CSRP3: variants seen among roughly 807,000 people sequenced by gnomAD.
CSRP3 encodes cysteine and glycine rich protein 3, also known as cysteine and glycine-rich protein 3.
CSRP3 carries 24 observed loss-of-function variants against 24.3 expected under a neutral mutation model. The ratio of observed to expected loss-of-function variants is 0.99; its 90% CI spans 0.71 to 1.39. The LOEUF (loss-of-function observed/expected upper bound fraction) is 1.39. CSRP3 is among the 40% of genes most tolerant of loss of function. CSRP3 has a pLI of 0.00. For synonymous variants in CSRP3, 105 were observed against 94.0 expected (o/e 1.12, Z -0.68); for missense variants, 240 against 249.0 (o/e 0.96, Z 0.24).
rs1850522002 is a variant in CSRP3 at position 19,186,220 on chromosome 11, C to G, written c.410G>C (p.Gly137Ala). 1 of 1,614,042 alleles carries G rather than the reference C, an allele frequency of 6.2e-7. No homozygotes were observed. The highest frequency in any genetic ancestry group is 1.3e-5 in the African/African-American group (1 of 74,910). ...GGCTCATACAGAAGGTCTTACCTTGCCACCTCCCATAACCTTCTCAGCAGC... is the reference window on the plus strand; with the variant it reads ...GGCTCATACAGAAGGTCTTACCTTGGCACCTCCCATAACCTTCTCAGCAGC... ...VYAAEKVMGG[G>A]KPWHKTCFRC... Residue 137 changes from glycine (G) to alanine (A), a missense_variant, in exon 4 of 6, where the codon GGC becomes GCC. Coordinates refer to ENST00000265968, the MANE Select transcript of CSRP3 (RefSeq NM_003476.5).
chr11:19,197,183 G>A (rs572955856), intron 1 of CSRP3, among the ~76,000 whole-genome samples: 1 of 152,250 alleles, frequency 6.6e-6, no homozygotes, highest in Admixed American at 6.5e-5. Flanking sequence ...ATTAGTTCAA[G>A]TACTGTCATA....
intron 1 of CSRP3, among the ~76,000 whole-genome samples, chr11:19,201,373 G>A (rs932098796): frequency 1.2e-4 from 18 of 152,292 alleles, no homozygotes; most frequent in African/African-American, 4.1e-4. Context: ...CATTCACCAC[G>A]ACCTTTTGAA....
At chr11:19,193,261 T>C (rs184076365) in intron 1 of CSRP3, among the ~76,000 whole-genome samples, 1 of 152,324 alleles carries the variant, frequency 6.6e-6, no homozygotes, top group East Asian at 1.9e-4. Flanking sequence ...TATACCTGTT[T>C]TCCCACCTAT....
At chr11:19,183,905 G>A (rs1330732180) in intron 5 of CSRP3, among the ~76,000 whole-genome samples, 1 of 152,186 alleles carries the variant, frequency 6.6e-6, no homozygotes, top group Non-Finnish European at 1.5e-5. Flanking sequence ...GTGATAGTAA[G>A]CCTCACGAGA....
intron 2 of CSRP3, 23 bp downstream of exon 2, chr11:19,192,314 C>T: frequency 6.3e-7 from 1 of 1,582,324 alleles, no homozygotes; most frequent in Non-Finnish European, 8.7e-7. Context: ...CTGAGGGGCC[C>T]CCAGGGTGTC....
chr11:19,182,735 T>C lies in CSRP3; in HGVS notation c.520A>G (p.Lys174Glu). 6.2e-7 allele frequency: 1 copy of C among 1,613,640 alleles called. No individual in the cohort carries two copies. Among genetic ancestry groups the C allele is most frequent in the Non-Finnish European group, 8.5e-7 (1 of 1,179,536 alleles). ...CCAATACCCGTGGGGCCAAAATTTT[T>C]GGCATAGCAAACTGTGAATGAGAAG... is the stretch of plus-strand genomic sequence containing the variant. ...GELYCKVCYAKNFGPTGIGFG... is the reference protein window; with the variant it reads ...GELYCKVCYAENFGPTGIGFG... Residue 174 changes from lysine to glutamate, a missense_variant, in exon 6 of 6, where the codon AAA becomes GAA. Coordinates refer to ENST00000265968, the MANE Select transcript of CSRP3 (RefSeq NM_003476.5).
intron 1 of CSRP3, among the ~76,000 whole-genome samples, chr11:19,194,670 G>A (rs1254013194): frequency 7.2e-5 from 11 of 152,108 alleles, no homozygotes; most frequent in Admixed American, 6.6e-4. Flanking sequence ...GTGACAGAGT[G>A]AGGCCCTGCC....
intron 1 of CSRP3, among the ~76,000 whole-genome samples, chr11:19,194,806 A>G (rs1301057636): frequency 2.0e-5 from 3 of 151,974 alleles, no homozygotes; most frequent in Non-Finnish European, 4.4e-5. Context: ...TAGAATTAAA[A>G]CTCACATTCA....
chr11:19,188,365 T>A lies in CSRP3; in HGVS notation c.113-61A>T, dbSNP rs45599634. 10,233 of 1,577,698 alleles carry A rather than the reference T, an allele frequency of 6.5e-3. 48 individuals carry two copies. The highest frequency in any genetic ancestry group is 8.6e-3 in the South Asian group (782 of 90,432). ...GAAATCCTTCTCCCCTTCTTTGCAC[T>A]CCCAATGCCATGCTCGGGGCCAGAG... On this transcript the variant is annotated intron_variant, in intron 2 of 5. Transcript: ENST00000265968.
At chr11:19,185,193 G>T in intron 4 of CSRP3, 148 bp from the exon 5 acceptor site, 1 of 710,728 alleles carries the variant, frequency 1.4e-6, no homozygotes, top group East Asian at 2.7e-5. Context: ...CAGGGGTTTG[G>T]AGAAAATGAG....
intron 5 of CSRP3, among the ~76,000 whole-genome samples, chr11:19,184,589 C>T (rs1042768870): frequency 2.0e-5 from 3 of 152,170 alleles, no homozygotes; most frequent in African/African-American, 4.8e-5. Context: ...GATGGTGTTT[C>T]GATTTTTGGA....
chr11:19,185,155 G>T, intron 4 of CSRP3, 110 bp from the exon 5 acceptor site: 1 of 813,000 alleles, frequency 1.2e-6, no homozygotes, highest in Non-Finnish European at 2.1e-6. Flanking sequence ...TTAACCATTT[G>T]CTTACCTAAT....
In CSRP3 at chr11:19,192,380, G is replaced by C; in HGVS notation, c.69C>G (p.Ile23Met). The change falls in exon 2 of 6, where the codon ATC (isoleucine) becomes ATG (methionine). Residue 23 changes from isoleucine to methionine, a missense_variant. Physicochemically the swap from Ile to Met is conservative, Grantham distance 10. Coordinates refer to ENST00000265968, the MANE Select transcript of CSRP3 (RefSeq NM_003476.5). ...CEKTVYHAEEIQCNGRSFHKT... is the reference protein window; with the variant it reads ...CEKTVYHAEEMQCNGRSFHKT... Reference sequence around the variant, plus strand: ...TGTGGAAACTCCTTCCATTGCACTGGATTTCTTCTGCATGGTAGACGGTCT... The same window carrying C: ...TGTGGAAACTCCTTCCATTGCACTGCATTTCTTCTGCATGGTAGACGGTCT... 1.2e-6 allele frequency: 2 copies of C among 1,614,202 alleles called. No individual in the cohort carries two copies. The highest frequency in any genetic ancestry group is 1.7e-6 in the Non-Finnish European group (2 of 1,180,024).
At chr11:19,184,400 G>A (rs546801220) in intron 5 of CSRP3, among the ~76,000 whole-genome samples, 1 of 152,308 alleles carries the variant, frequency 6.6e-6, no homozygotes, top group East Asian at 1.9e-4. Context: ...GGTCAGAGCT[G>A]CAAGGACCAG....
intron 1 of CSRP3, among the ~76,000 whole-genome samples, chr11:19,197,235 A>G (rs1850729475): frequency 6.6e-6 from 1 of 152,156 alleles, no homozygotes; most frequent in Non-Finnish European, 1.5e-5. Flanking sequence ...GTGAGAACCA[A>G]TTAGGTTCTC....
intron 1 of CSRP3, among the ~76,000 whole-genome samples, chr11:19,198,114 T>C (rs1026077477): frequency 2.0e-5 from 3 of 152,228 alleles, no homozygotes; most frequent in Admixed American, 6.5e-5. Context: ...GCTTTACATA[T>C]ATTATTTTTT....
intron 2 of CSRP3, among the ~76,000 whole-genome samples, chr11:19,190,854 G>A (rs934812669): frequency 3.6e-4 from 55 of 152,126 alleles, no homozygotes; most frequent in African/African-American, 1.2e-3. Context: ...TCCCATCAAA[G>A]GGTTCTCAGG....
chr11:19,193,843 G>T (rs112996135), intron 1 of CSRP3, among the ~76,000 whole-genome samples: 4,182 of 152,270 alleles, frequency 0.027, 195 homozygotes, highest in African/African-American at 0.096. Flanking sequence ...AAATAAAATA[G>T]TAATAATAAT....
chr11:19,182,663 C>T lies in CSRP3; in HGVS notation c.*7G>A, dbSNP rs189477598. On this transcript the variant is annotated 3_prime_UTR_variant, in exon 6 of 6. Transcript: ENST00000265968. ...CTCGCAAAAAATCTGAGAAACGGCG[C>T]ACCTCTTCATTCTTTCTTTTCCACT... 6.2e-7 allele frequency: 1 copy of T among 1,613,728 alleles called. No homozygotes were observed. The highest frequency in any genetic ancestry group is 8.5e-7 in the Non-Finnish European group (1 of 1,179,648).
Sources: gnomAD v4.1 joint callset for allele counts (sites outside exome capture counted in the v4.1 genomes callset) on GRCh38, gnomAD v4.1.1 for gene constraint, MANE v1.5 for transcripts, NCBI Gene and HGNC (gene_info 2026-07-23, HGNC 2026-07-21) for gene names.